GOLGA6L9: variants seen among roughly 807,000 people sequenced by gnomAD.
GOLGA6L9 encodes golgin A6 family like 9.
In GOLGA6L9, 19 loss-of-function variants were observed where a neutral mutation model predicts 51.3. That is an observed-to-expected ratio of 0.37 (90% CI 0.26 to 0.54). The LOEUF (loss-of-function observed/expected upper bound fraction) is 0.54. Among genes scored for constraint, GOLGA6L9 ranks in the 20% least tolerant of loss-of-function variants. GOLGA6L9 has a pLI of 0.83. For synonymous variants in GOLGA6L9, 97 were observed against 184.2 expected, an observed-to-expected ratio of 0.53 and a Z score of 3.83; for missense variants, 247 against 464.1, an observed-to-expected ratio of 0.53 and a Z score of 4.30.
the GOLGA6L9 span, among the ~76,000 whole-genome samples, chr15:82,419,039 G>T: frequency 6.6e-6 from 1 of 152,168 alleles, no homozygotes; most frequent in Non-Finnish European, 1.5e-5. Flanking sequence ...AATACCATTA[G>T]AATTTTTAAA....
chr15:82,419,091 A>G, the GOLGA6L9 span: 1 of 157,754 alleles, frequency 6.3e-6, no homozygotes, highest in Non-Finnish European at 1.4e-5. Context: ...GTTCATGCTT[A>G]CGTGTTCTCT....
rs1063300 is a variant in GOLGA6L9 at position 82,438,394 on chromosome 15, G to A, written c.*1983G>A. 6.6e-6 allele frequency: 1 copy of A among 151,472 alleles called. No homozygotes were observed. Among genetic ancestry groups the A allele is most frequent in the East Asian group, 1.9e-4 (1 of 5,196 alleles). The allele number at this position is 151,472 out of a possible 1,614,324, so 9.4% of individuals were successfully genotyped here. A position where few individuals can be genotyped will look rare whatever the true frequency, so the allele number is the denominator to read the frequency against. ...TCTCTGTGTAGGTATTTTGTCATAT[G>A]TTTAAGAAAAAGCTAAAGAGAATGG... On this transcript the variant is annotated 3_prime_UTR_variant, in exon 9 of 9. Transcript: ENST00000618348.
At chr15:82,427,365 C>G (rs1460552385), upstream of GOLGA6L9, among the ~76,000 whole-genome samples, 1 of 148,248 alleles carries the variant, frequency 6.7e-6, no homozygotes. Context: ...TTCCCTCTCT[C>G]TCTTTCTTCC....
chr15:82,431,543 C>T (rs1171638282), intron 1 of GOLGA6L9: 2 of 255,068 alleles, frequency 7.8e-6, no homozygotes, highest in Non-Finnish European at 1.4e-5. Flanking sequence ...ACCTCTGCCC[C>T]TGGTTTTGGT....
chr15:82,434,332 G>C lies in GOLGA6L9; in HGVS notation c.732G>C (p.Gly244=). 6.5e-7 allele frequency: 1 copy of C among 1,533,068 alleles called. No homozygotes were observed. Among genetic ancestry groups the C allele is most frequent in the Non-Finnish European group, 8.7e-7 (1 of 1,144,808 alleles). The allele number at this position is 1,533,068 out of a possible 1,614,324, so 95.0% of individuals were successfully genotyped here. Residue 244 remains glycine (G), a synonymous_variant, in exon 6 of 9, where the codon GGG becomes GGC. Coordinates refer to ENST00000618348, the MANE Select transcript of GOLGA6L9 (RefSeq NM_198181.4). Reference sequence around the variant, plus strand: ...TGTGTGAACAGGAGAAGCTGCCAGGGCAGGAGAGGCTGCTGGAAGAGGTGG... The same window carrying C: ...TGTGTGAACAGGAGAAGCTGCCAGGCCAGGAGAGGCTGCTGGAAGAGGTGG... The part of the protein sequence containing the change: ...ERLCEQEKLP[G]QERLLEEVEK...
the GOLGA6L9 span, among the ~76,000 whole-genome samples, chr15:82,417,045 A>G: frequency 6.6e-6 from 1 of 152,124 alleles, no homozygotes; most frequent in Non-Finnish European, 1.5e-5. Flanking sequence ...CCTCTGATCT[A>G]ATTTCTGTCT....
chr15:82,416,605 A>G, the GOLGA6L9 span, among the ~76,000 whole-genome samples: 437 of 152,284 alleles, frequency 2.9e-3, no homozygotes, highest in African/African-American at 9.9e-3. Flanking sequence ...GGCAGAATCA[A>G]AATGCCTTGG....
rs1295764192 is a variant in GOLGA6L9 at position 82,436,594 on chromosome 15, T to G, written c.*183T>G. 1.7e-6 allele frequency: 1 copy of G among 586,828 alleles called. No homozygotes were observed. Among genetic ancestry groups the G allele is most frequent in the Non-Finnish European group, 2.7e-6 (1 of 371,672 alleles). 36.4% of individuals were successfully genotyped at this position (586,828 alleles called of 1,614,324 possible). ...TTTGTTTCTAATTTATAGTTTAAAT[T>G]TATTTGTGTTTCTAATTTATAGTTT... On this transcript the variant is annotated 3_prime_UTR_variant, in exon 9 of 9. Transcript: ENST00000618348.
rs1168474841 is a variant in GOLGA6L9, at chr15:82,438,953, CAAAG to C, written c.*2546_*2549del. On this transcript the variant is annotated 3_prime_UTR_variant, in exon 9 of 9. Transcript: ENST00000618348. The stretch of plus-strand genomic sequence containing the variant: ...AGAATCTAGGGGAAGGAAAAGTAGA[CAAAG>C]AAATGCCAATTCCAGTCCAAAGCTG... 107 of 133,118 alleles carry C rather than the reference CAAAG, an allele frequency of 8.0e-4. No homozygotes were observed. Among genetic ancestry groups the C allele is most frequent in the African/African-American group, 3.0e-3 (101 of 33,648 alleles). 8.2% of individuals were successfully genotyped at this position (133,118 alleles called of 1,614,324 possible).
upstream of GOLGA6L9, among the ~76,000 whole-genome samples, chr15:82,429,728 A>G (rs1271777550): frequency 2.6e-5 from 4 of 152,198 alleles, no homozygotes; most frequent in African/African-American, 7.2e-5. Context: ...TATAAAGTAT[A>G]TACACATATA....
the GOLGA6L9 span, among the ~76,000 whole-genome samples, chr15:82,418,388 G>T: frequency 6.6e-6 from 1 of 152,184 alleles, no homozygotes; most frequent in Admixed American, 6.5e-5. Flanking sequence ...GGACAGAACC[G>T]TTTGTGGTGG....
At position 82,434,201 on chromosome 15, in the gene GOLGA6L9, C is replaced by T; in HGVS notation, c.601C>T (p.Leu201=). The change falls in exon 6 of 9, where the codon CTA becomes TTA. Residue 201 remains leucine (L), a synonymous_variant. Coordinates refer to ENST00000618348, the MANE Select transcript of GOLGA6L9 (RefSeq NM_198181.4). ...CCTGAACAGGAGACAGGAGGAGAGG[C>T]TACGTGAACAGGAGGAGAGGCTACG... The part of the protein sequence containing the change: ...SLLNRRQEER[L]REQEERLREQ... 2 of 1,558,368 alleles carry T rather than the reference C, an allele frequency of 1.3e-6. No individual in the cohort carries two copies. Among genetic ancestry groups the T allele is most frequent in the Non-Finnish European group, 1.7e-6 (2 of 1,159,580 alleles).
chr15:82,420,409 T>C, the GOLGA6L9 span, among the ~76,000 whole-genome samples: 1 of 151,888 alleles, frequency 6.6e-6, no homozygotes, highest in African/African-American at 2.4e-5. Flanking sequence ...GTTCATGTTA[T>C]AAAATTAATT....
chr15:82,416,017 T>G, the GOLGA6L9 span: 4 of 152,268 alleles, frequency 2.6e-5, no homozygotes, highest in East Asian at 7.7e-4. Context: ...AAAGAAAAGC[T>G]AAGCATGGAC....
chr15:82,435,427 G>A (rs2031632062), intron 7 of GOLGA6L9: 2 of 251,460 alleles, frequency 8.0e-6, no homozygotes, highest in Admixed American at 5.6e-5. Flanking sequence ...AATCACTTGA[G>A]CCCGGGAGAT....
chr15:82,436,455 G>C lies in GOLGA6L9; in HGVS notation c.*44G>C. Reference sequence around the variant, plus strand: ...AAAAAAAAAAACAAAACATTTAAGGGGTTAATATCCTACACAATTCATTTA... The same window carrying C: ...AAAAAAAAAAACAAAACATTTAAGGCGTTAATATCCTACACAATTCATTTA... On this transcript the variant is annotated 3_prime_UTR_variant, in exon 9 of 9. Transcript: ENST00000618348. 6.5e-7 allele frequency: 1 copy of C among 1,526,868 alleles called. No homozygotes were observed. Among genetic ancestry groups the C allele is most frequent in the Non-Finnish European group, 8.9e-7 (1 of 1,121,838 alleles). The allele number at this position is 1,526,868 out of a possible 1,614,324, so 94.6% of individuals were successfully genotyped here. A position where few individuals can be genotyped will look rare whatever the true frequency, so the allele number is the denominator to read the frequency against.
At chr15:82,431,632 T>C (rs1322368212) in intron 1 of GOLGA6L9, 198 bp from the exon 2 acceptor site, 1 of 516,490 alleles carries the variant, frequency 1.9e-6, no homozygotes, top group African/African-American at 2.0e-5. Context: ...TATTGCCTTT[T>C]TTGATCTTTC....
rs1477745127 is a variant in GOLGA6L9, at chr15:82,434,525, C to G, written c.925C>G (p.Leu309Val). 4.5e-6 allele frequency: 7 copies of G among 1,567,650 alleles called. No individual in the cohort carries two copies. The highest frequency in any genetic ancestry group is 2.3e-4 in the Middle Eastern group (1 of 4,418). ...GCGGGAGCTGGAGAGGCTGCGGGAGCTGGAGAGGATGCTGGAGCTGGGGTG... is the reference window on the plus strand; with the variant it reads ...GCGGGAGCTGGAGAGGCTGCGGGAGGTGGAGAGGATGCTGGAGCTGGGGTG... ...TLRELERLRE[L>V]ERMLELGWEA... is the part of the protein sequence containing the mutation. The change falls in exon 6 of 9, where the codon CTG becomes GTG. Residue 309 changes from leucine (L) to valine (V), a missense_variant. Around this residue, in one of 9 missense-constraint regions of GOLGA6L9, gnomAD observed 35 missense variants for 86.2 expected, o/e 0.41. Coordinates refer to ENST00000618348, the MANE Select transcript of GOLGA6L9 (RefSeq NM_198181.4).
At position 82,438,344 on chromosome 15, in the gene GOLGA6L9, T is replaced by C. The variant is rs2031789166; in HGVS notation, c.*1933T>C. 1 of 151,078 alleles carries C rather than the reference T, an allele frequency of 6.6e-6. No homozygotes were observed. Among genetic ancestry groups the C allele is most frequent in the African/African-American group, 2.4e-5 (1 of 41,126 alleles). 9.4% of individuals were successfully genotyped at this position (151,078 alleles called of 1,614,324 possible). On this transcript the variant is annotated 3_prime_UTR_variant, in exon 9 of 9. Transcript: ENST00000618348. ...GCTGAATGTCAGTCTGAAAAATAAA[T>C]GTACTATATTAACTCAAATACCACT...
Sources: allele counts gnomAD v4.1 joint callset (sites outside exome capture counted in the v4.1 genomes callset), GRCh38; gene constraint gnomAD v4.1.1; regional missense constraint gnomAD v4.1.1; transcripts MANE v1.5; gene names NCBI Gene and HGNC (gene_info 2026-07-23, HGNC 2026-07-21).